CFAP95: variants seen among roughly 807,000 people sequenced by gnomAD.
CFAP95 encodes the protein cilia and flagella associated protein 95.
chr9:69,866,102 A>G, the CFAP95 span, among the ~76,000 whole-genome samples: 1 of 152,210 alleles, frequency 6.6e-6, no homozygotes, highest in African/African-American at 2.4e-5. Flanking sequence ...GCCAACTAAG[A>G]GACCTCTGGC....
the CFAP95 span, among the ~76,000 whole-genome samples, chr9:69,837,504 T>C: frequency 6.6e-6 from 1 of 152,238 alleles, no homozygotes; most frequent in African/African-American, 2.4e-5. Context: ...TTTTTTCACG[T>C]GTCTTTTGGC....
the CFAP95 span, among the ~76,000 whole-genome samples, chr9:69,855,665 C>T: frequency 6.6e-6 from 1 of 152,060 alleles, no homozygotes; most frequent in East Asian, 1.9e-4. Context: ...GACCAGGAAA[C>T]CAGCACCAGA....
the CFAP95 span, among the ~76,000 whole-genome samples, chr9:69,901,474 AATG>A: frequency 2.0e-5 from 3 of 152,040 alleles, no homozygotes; most frequent in African/African-American, 7.2e-5. Context: ...ATTTGCTCGG[AATG>A]ATGGTTTCCA....
At chr9:69,841,638 A>G in the CFAP95 span, among the ~76,000 whole-genome samples, 3 of 152,316 alleles carry the variant, frequency 2.0e-5, no homozygotes, top group Admixed American at 6.5e-5. Flanking sequence ...CATGCTGCTA[A>G]TAAAGACATA....
chr9:69,860,825 A>C, the CFAP95 span, among the ~76,000 whole-genome samples: 1 of 152,210 alleles, frequency 6.6e-6, no homozygotes, highest in African/African-American at 2.4e-5. Flanking sequence ...CATCAATATC[A>C]CTGTCTTCCA....
chr9:69,821,766 G>A, the CFAP95 span, among the ~76,000 whole-genome samples: 1 of 150,584 alleles, frequency 6.6e-6, no homozygotes, highest in East Asian at 1.9e-4. Flanking sequence ...ATTTTAATTA[G>A]TTGGCCACAT....
the CFAP95 span, among the ~76,000 whole-genome samples, chr9:69,892,965 A>T: frequency 6.6e-6 from 1 of 152,140 alleles, no homozygotes; most frequent in Non-Finnish European, 1.5e-5. Context: ...GTATGATCTG[A>T]TTCTTCCTGG....
the CFAP95 span, among the ~76,000 whole-genome samples, chr9:69,862,289 T>TGGAGAAGCCACA: frequency 6.6e-6 from 1 of 152,216 alleles, no homozygotes; most frequent in South Asian, 2.1e-4. Flanking sequence ...GAAGACATAG[T>TGGAGAAGCCACA]TTCTTTTAGA....
the CFAP95 span, among the ~76,000 whole-genome samples, chr9:69,884,037 T>C: frequency 6.6e-6 from 1 of 152,124 alleles, no homozygotes; most frequent in African/African-American, 2.4e-5. Context: ...TAGCTATAAA[T>C]TTCCCTCTTA....
the CFAP95 span, among the ~76,000 whole-genome samples, chr9:69,860,994 C>T: frequency 6.6e-6 from 1 of 152,064 alleles, no homozygotes; most frequent in Non-Finnish European, 1.5e-5. Context: ...AAGAAATATG[C>T]TCTAAAACTG....
the CFAP95 span, among the ~76,000 whole-genome samples, chr9:69,865,186 G>A: frequency 4.6e-5 from 7 of 152,054 alleles, no homozygotes; most frequent in African/African-American, 1.7e-4. Context: ...CCTCTAAAGA[G>A]GTGCCTTCCA....
At chr9:69,863,744 C>A in the CFAP95 span, among the ~76,000 whole-genome samples, 2 of 151,988 alleles carry the variant, frequency 1.3e-5, no homozygotes, top group Admixed American at 6.6e-5. Flanking sequence ...TCAAGCAGAT[C>A]CAATTTTGAA....
chr9:69,839,665 G>A, the CFAP95 span, among the ~76,000 whole-genome samples: 1 of 150,816 alleles, frequency 6.6e-6, no homozygotes, highest in Non-Finnish European at 1.5e-5. Context: ...GACCTCAAGT[G>A]ATCCGCCTGC....
chr9:69,833,723 T>G, the CFAP95 span, among the ~76,000 whole-genome samples: 2 of 152,284 alleles, frequency 1.3e-5, no homozygotes, highest in South Asian at 2.1e-4. Context: ...TAACTTGTGA[T>G]TTTGCCAAAA....
chr9:69,880,988 C>T, the CFAP95 span, among the ~76,000 whole-genome samples: 1 of 152,056 alleles, frequency 6.6e-6, no homozygotes, highest in African/African-American at 2.4e-5. Context: ...AAATCTTTGG[C>T]CCATTTTTTG....
the CFAP95 span, among the ~76,000 whole-genome samples, chr9:69,869,001 G>A: frequency 8.5e-5 from 13 of 152,230 alleles, no homozygotes; most frequent in South Asian, 8.3e-4. Context: ...AAAGATAAGC[G>A]TTGGCAAGCA....
chr9:69,871,881 C>T, the CFAP95 span, among the ~76,000 whole-genome samples: 1 of 152,184 alleles, frequency 6.6e-6, no homozygotes, highest in East Asian at 1.9e-4. Context: ...TTATTTAAAA[C>T]ACAAAGATAA....
chr9:69,903,225 A>G, the CFAP95 span, among the ~76,000 whole-genome samples: 3 of 152,340 alleles, frequency 2.0e-5, no homozygotes, highest in Middle Eastern at 3.4e-3. Context: ...TTTATGTCCA[A>G]TCGTGGAAAA....
At chr9:69,904,729 G>T in the CFAP95 span, among the ~76,000 whole-genome samples, 2 of 152,220 alleles carry the variant, frequency 1.3e-5, no homozygotes, top group Middle Eastern at 3.4e-3. Flanking sequence ...CTCATTTAAA[G>T]GACCTCTATT....
Sources: allele counts gnomAD v4.1 joint callset (sites outside exome capture counted in the v4.1 genomes callset), GRCh38; gene constraint gnomAD v4.1.1; transcripts MANE v1.5; gene names NCBI Gene and HGNC (gene_info 2026-07-23, HGNC 2026-07-21).